The following PCDHGA11 variants were observed in gnomAD, a reference collection of about 807,000 sequenced individuals.
The protein encoded by PCDHGA11 is protocadherin gamma subfamily A, 11.
Under a neutral mutation model 60.4 loss-of-function variants are expected in PCDHGA11, and 39 were observed. That is an observed-to-expected ratio of 0.65 (90% CI 0.50 to 0.84). The LOEUF is 0.84. Among genes scored for constraint, PCDHGA11 ranks in the 40% least tolerant of loss-of-function variants. The pLI is 0.00. For synonymous variants in PCDHGA11, 533 were observed against 510.3 expected (o/e 1.04, Z -0.60); for missense variants, 1,165 against 1,197.7 (o/e 0.97, Z 0.40).
intron 1 of PCDHGA11, among the ~76,000 whole-genome samples, chr5:141,457,628 C>T (rs1210673176): frequency 6.6e-6 from 1 of 152,244 alleles, no homozygotes; most frequent in Non-Finnish European, 1.5e-5. Context: ...TAATCTTATA[C>T]TTGGCCTGAT....
intron 1 of PCDHGA11, among the ~76,000 whole-genome samples, chr5:141,471,118 A>G (rs58897068): frequency 0.11 from 15,938 of 141,604 alleles, 871 homozygotes; most frequent in South Asian, 0.16. Flanking sequence ...GTGCGATCTT[A>G]CCTTCACTGC....
intron 1 of PCDHGA11, chr5:141,441,126 C>T (rs1319809408): frequency 6.6e-6 from 1 of 152,062 alleles, no homozygotes; most frequent in Non-Finnish European, 1.5e-5. Context: ...CAGTTGAGAC[C>T]GAATTTCTAG....
rs1164046040 is a variant in PCDHGA11, at chr5:141,476,557, C to A, written c.2434-18250C>A. ...AAATGAAATTGGAGATTAGCGAGGC[C>A]GTGGCTCCGGGGACGCGCTTTCCGC... is the stretch of plus-strand genomic sequence containing the variant. On this transcript the variant is annotated intron_variant, in intron 1 of 3. Transcript: ENST00000398587. This position sits in a 1 kb window ranked among gnomAD's most constrained non-coding sequence, Gnocchi z 7.6. The A allele has an allele frequency of 2.5e-6, 4 of 1,614,222 alleles. No individual in the cohort carries two copies. Among genetic ancestry groups the A allele is most frequent in the Admixed American group, 3.3e-5 (2 of 60,032 alleles).
intron 2 of PCDHGA11, among the ~76,000 whole-genome samples, chr5:141,499,575 T>TCCCTA (rs2099792820): frequency 1.3e-5 from 2 of 152,202 alleles, no homozygotes; most frequent in Non-Finnish European, 2.9e-5. Context: ...CTTCAACTAA[T>TCCCTA]GCCTTATCTT....
At chr5:141,506,699 C>T (rs758682427) in intron 3 of PCDHGA11, among the ~76,000 whole-genome samples, 2 of 152,094 alleles carry the variant, frequency 1.3e-5, no homozygotes, top group Non-Finnish European at 2.9e-5. Flanking sequence ...GACCCAAACC[C>T]GTTTTTTACT....
chr5:141,488,807 C>G (rs2099679535), intron 1 of PCDHGA11, among the ~76,000 whole-genome samples: 1 of 152,170 alleles, frequency 6.6e-6, no homozygotes, highest in Non-Finnish European at 1.5e-5. Flanking sequence ...TGAGTACCAT[C>G]TGAGCTGTCA....
At chr5:141,429,385 T>A (rs1274446916) in intron 1 of PCDHGA11, among the ~76,000 whole-genome samples, 1 of 151,844 alleles carries the variant, frequency 6.6e-6, no homozygotes, top group Non-Finnish European at 1.5e-5. Flanking sequence ...GTGTTTTTTT[T>A]TTAAAAAAAA....
intron 1 of PCDHGA11, among the ~76,000 whole-genome samples, chr5:141,474,234 T>C (rs1458919904): frequency 6.6e-6 from 1 of 152,204 alleles, no homozygotes; most frequent in Non-Finnish European, 1.5e-5. Flanking sequence ...TAAGTGATGC[T>C]GAATAGGGGA....
intron 1 of PCDHGA11, among the ~76,000 whole-genome samples, chr5:141,448,975 T>C (rs888432093): frequency 6.6e-6 from 1 of 151,970 alleles, no homozygotes; most frequent in African/African-American, 2.4e-5. Flanking sequence ...AAAAAAGAAC[T>C]TCCATATTAA....
rs528779386 is a variant in PCDHGA11, at chr5:141,509,416, C to T, written c.2582-1531C>T. Among the ~76,000 whole-genome samples, 4 of 152,258 alleles carry T rather than the reference C, an allele frequency of 2.6e-5. No individual in the cohort carries two copies. In the East Asian group the frequency reaches 7.7e-4, roughly 29 times the overall value. ...TCTCAGGGCCTCCAGCAGCGAGCCCCAATGAGTCAAACTCTTGTTTCCTCC... is the reference window on the plus strand; with the variant it reads ...TCTCAGGGCCTCCAGCAGCGAGCCCTAATGAGTCAAACTCTTGTTTCCTCC... On this transcript the variant is annotated intron_variant, in intron 3 of 3. Transcript: ENST00000398587.
intron 1 of PCDHGA11, among the ~76,000 whole-genome samples, chr5:141,462,331 T>C (rs909948238): frequency 6.6e-6 from 1 of 152,244 alleles, no homozygotes; most frequent in African/African-American, 2.4e-5. Context: ...TCTAATTTAA[T>C]TGTATTGTGA....
chr5:141,505,679 G>A (rs1350871637), intron 3 of PCDHGA11, among the ~76,000 whole-genome samples, 198 bp downstream of exon 3: 24 of 152,172 alleles, frequency 1.6e-4, no homozygotes, highest in Non-Finnish European at 3.5e-4. Flanking sequence ...TGGGGGTCCT[G>A]GGATGCCTGG....
At position 141,485,437 on chromosome 5, in the gene PCDHGA11, C is replaced by A. The variant is rs2099613420; in HGVS notation, c.2434-9370C>A. The A allele has an allele frequency of 6.2e-7, 1 of 1,614,174 alleles. No individual in the cohort carries two copies. Among genetic ancestry groups the A allele is most frequent in the Non-Finnish European group, 8.5e-7 (1 of 1,180,028 alleles). On this transcript the variant is annotated intron_variant, in intron 1 of 3. Transcript: ENST00000398587. The surrounding 1 kb of genome is among the most constrained non-coding windows in gnomAD (Gnocchi z 5.7). ...ACAGCGGAGCCCTGCTCATCAAGAA[C>A]CCAATCGACCGAGAGGCACTGTGTG...
chr5:141,427,229 G>A (rs1377470019), intron 1 of PCDHGA11: 3 of 456,628 alleles, frequency 6.6e-6, no homozygotes, highest in Non-Finnish European at 1.3e-5. Context: ...GTTATACCAT[G>A]AGAGTAGAAG....
In PCDHGA11 at chr5:141,422,791, G is replaced by T. The variant is rs2096673253; in HGVS notation, c.1564G>T (p.Asp522Tyr). 2 of 1,614,020 alleles carry T rather than the reference G, an allele frequency of 1.2e-6. No homozygotes were observed. The highest frequency in any genetic ancestry group is 1.1e-5 in the South Asian group (1 of 91,080). Residue 522 changes from aspartate (D) to tyrosine (Y), a missense_variant, in exon 1 of 4, where the codon GAC becomes TAC. By Grantham distance (160) the Asp-to-Tyr change is radical (BLOSUM62 -3). Transcript: ENST00000398587. ...TGTTCTCTATGCCCTACAATCCTTC[G>T]ACTATGAGCAGTTTCGAGACTTAGA... ...TGVLYALQSF[D>Y]YEQFRDLELR...
chr5:141,490,142 C>T lies in PCDHGA11; in HGVS notation c.2434-4665C>T. On this transcript the variant is annotated intron_variant, in intron 1 of 3. Transcript: ENST00000398587. This position sits in a 1 kb window ranked among gnomAD's most constrained non-coding sequence, Gnocchi z 5.4. ...TTTGGCCTAGACCCTAGCAGTGGGG[C>T]AATCCATGTGTTGGGTCCCATAGAC... 2 of 1,614,220 alleles carry T rather than the reference C, an allele frequency of 1.2e-6. No individual in the cohort carries two copies. Among genetic ancestry groups the T allele is most frequent in the South Asian group, 1.1e-5 (1 of 91,088 alleles).
At chr5:141,475,491 C>T (rs1321482409) in intron 1 of PCDHGA11, among the ~76,000 whole-genome samples, 2 of 152,202 alleles carry the variant, frequency 1.3e-5, no homozygotes, top group African/African-American at 4.8e-5. Flanking sequence ...AGAGATAAAA[C>T]TGAAATTATT....
rs1193465269 is a variant in PCDHGA11 at position 141,467,055 on chromosome 5, C to CT, written c.2434-27736dup. Among the ~76,000 whole-genome samples, 814 of 134,448 alleles carry CT rather than the reference C, an allele frequency of 6.1e-3. 10 individuals carry two copies. Among genetic ancestry groups the CT allele is most frequent in the African/African-American group, 0.018 (656 of 36,920 alleles). The allele number at this position is 134,448 out of a possible 152,430, so 88.2% of individuals were successfully genotyped here. A position where few individuals can be genotyped will look rare whatever the true frequency, so the allele number is the denominator to read the frequency against. Reference sequence around the variant, plus strand: ...TTTTTGTGTAATGAATCAATGTTTTCTTTTTTTTTTTTTTTTAGACCAAGT... The same window carrying CT: ...TTTTTGTGTAATGAATCAATGTTTTCTTTTTTTTTTTTTTTTTAGACCAAGT... On this transcript the variant is annotated intron_variant, in intron 1 of 3. Coordinates refer to ENST00000398587, the MANE Select transcript of PCDHGA11 (RefSeq NM_018914.3).
chr5:141,456,236 T>G (rs1299029934), intron 1 of PCDHGA11, among the ~76,000 whole-genome samples: 1 of 152,120 alleles, frequency 6.6e-6, no homozygotes, highest in African/African-American at 2.4e-5. Flanking sequence ...TAACTGCTGT[T>G]AGGAGGCTTT....
Sources: allele counts gnomAD v4.1 joint callset (sites outside exome capture counted in the v4.1 genomes callset), GRCh38; gene constraint gnomAD v4.1.1; non-coding constraint Gnocchi (gnomAD v3.1); transcripts MANE v1.5; gene names NCBI Gene and HGNC (gene_info 2026-07-23, HGNC 2026-07-21).